Variants in FBXW7 observed in about 807,000 individuals in gnomAD.
FBXW7 encodes the protein F-box/WD repeat-containing protein 7.
In FBXW7, 11 loss-of-function variants were observed where a neutral mutation model predicts 86.3. That is an observed-to-expected ratio of 0.13 (90% CI 0.08 to 0.21). The LOEUF (loss-of-function observed/expected upper bound fraction) is 0.21. Ranked by LOEUF, FBXW7 falls within the 10% of genes least tolerant of loss-of-function variation. The pLI is 1.00. For synonymous variants in FBXW7, 313 were observed against 297.9 expected (o/e 1.05, Z -0.52); for missense variants, 488 against 847.4 (o/e 0.58, Z 5.27).
At chr4:152,527,369 T>C (rs1220575088) in intron 2 of FBXW7, among the ~76,000 whole-genome samples, 2 of 152,216 alleles carry the variant, frequency 1.3e-5, no homozygotes, top group Non-Finnish European at 2.9e-5. Context: ...AATTACACTT[T>C]TAGTGAAGCA....
chr4:152,386,300 C>CTA (rs1735522990), intron 4 of FBXW7, among the ~76,000 whole-genome samples: 1 of 152,034 alleles, frequency 6.6e-6, no homozygotes, highest in South Asian at 2.1e-4. Context: ...CAAATCCTGG[C>CTA]TTTACCAGGT....
chr4:152,387,297 T>C (rs1020773464), intron 4 of FBXW7, among the ~76,000 whole-genome samples: 4 of 152,170 alleles, frequency 2.6e-5, no homozygotes, highest in Admixed American at 1.3e-4. Context: ...CTAAAAAGTA[T>C]ACCATTACTG....
chr4:152,411,112 A>G (rs1737908386), intron 4 of FBXW7, 191 bp downstream of exon 4: 2 of 965,200 alleles, frequency 2.1e-6, no homozygotes, highest in Non-Finnish European at 2.8e-6. Flanking sequence ...TTGTACTCAG[A>G]TTGTCCCATT....
At chr4:152,467,595 G>A (rs1316048225) in intron 2 of FBXW7, among the ~76,000 whole-genome samples, 1 of 152,112 alleles carries the variant, frequency 6.6e-6, no homozygotes, top group Non-Finnish European at 1.5e-5. Context: ...GGATCAAAAC[G>A]TAAGGTTTTG....
intron 4 of FBXW7, among the ~76,000 whole-genome samples, chr4:152,362,211 G>A (rs1368820475): frequency 1.3e-5 from 2 of 151,976 alleles, no homozygotes; most frequent in African/African-American, 2.4e-5. Flanking sequence ...GGTCTGTTAC[G>A]AACTGCTACA....
At chr4:152,461,639 A>G (rs530588780) in intron 2 of FBXW7, among the ~76,000 whole-genome samples, 9 of 152,336 alleles carry the variant, frequency 5.9e-5, no homozygotes, top group Admixed American at 3.3e-4. Context: ...ATTTCTATTG[A>G]ATGATTTTCT....
At chr4:152,493,879 T>C (rs1746078597) in intron 2 of FBXW7, among the ~76,000 whole-genome samples, 1 of 152,236 alleles carries the variant, frequency 6.6e-6, no homozygotes, top group Non-Finnish European at 1.5e-5. Flanking sequence ...AGACCAAGTT[T>C]AAAAATATTC....
Position 152,322,612 on chromosome 4 carries a change from A to G in FBXW7, c.*269T>C, listed in dbSNP as rs977961439. 6.7e-6 allele frequency: 3 copies of G among 450,268 alleles called. No individual in the cohort carries two copies. Among genetic ancestry groups the G allele is most frequent in the Admixed American group, 3.9e-5 (1 of 25,816 alleles). The allele number at this position is 450,268 out of a possible 1,614,324, so 27.9% of individuals were successfully genotyped here. On this transcript the variant is annotated 3_prime_UTR_variant, in exon 14 of 14. Transcript: ENST00000281708. ...TAATTGCACCTGGTTTGATTTAGAAAGTCTCATTTTGCAAAGCTGCCCTCA... is the reference window on the plus strand; with the variant it reads ...TAATTGCACCTGGTTTGATTTAGAAGGTCTCATTTTGCAAAGCTGCCCTCA...
chr4:152,527,438 CT>C (rs1749614903), intron 2 of FBXW7, among the ~76,000 whole-genome samples: 1 of 152,120 alleles, frequency 6.6e-6, no homozygotes, highest in Non-Finnish European at 1.5e-5. Context: ...ATTCACCCCC[CT>C]AAAAAGCATG....
intron 4 of FBXW7, among the ~76,000 whole-genome samples, chr4:152,390,400 T>C (rs2126806840): frequency 6.6e-6 from 1 of 152,074 alleles, no homozygotes; most frequent in Admixed American, 6.6e-5. Context: ...AGCTTAACTC[T>C]TACAGGCTGA....
intron 2 of FBXW7, among the ~76,000 whole-genome samples, chr4:152,455,213 C>T (rs74927603): frequency 0.015 from 2,230 of 152,154 alleles, 28 homozygotes; most frequent in Middle Eastern, 0.037. Context: ...AAGTACAGAA[C>T]AGAACTGCAA....
intron 4 of FBXW7, among the ~76,000 whole-genome samples, chr4:152,376,827 T>C (rs530510156): frequency 1.3e-5 from 2 of 152,040 alleles, no homozygotes; most frequent in South Asian, 2.1e-4. Context: ...TGAAGTATCA[T>C]CCCTCAGTTT....
At chr4:152,486,690 T>C (rs1489190113) in intron 2 of FBXW7, among the ~76,000 whole-genome samples, 2 of 151,786 alleles carry the variant, frequency 1.3e-5, no homozygotes, top group Non-Finnish European at 3.0e-5. Context: ...GAGGCTGTTT[T>C]GCAGTTAACT....
At chr4:152,418,185 A>G (rs1247574399) in intron 2 of FBXW7, among the ~76,000 whole-genome samples, 2 of 150,892 alleles carry the variant, frequency 1.3e-5, no homozygotes, top group African/African-American at 2.5e-5. Context: ...GCAGTGGAAA[A>G]CTTCTCAATA....
chr4:152,423,639 C>G (rs561943886), intron 2 of FBXW7, among the ~76,000 whole-genome samples: 2 of 152,230 alleles, frequency 1.3e-5, no homozygotes, highest in African/African-American at 4.8e-5. Flanking sequence ...GAGAACCACA[C>G]AGCAATGAGA....
At chr4:152,464,597 CCT>C (rs1264410755) in intron 2 of FBXW7, among the ~76,000 whole-genome samples, 1 of 152,156 alleles carries the variant, frequency 6.6e-6, no homozygotes, top group African/African-American at 2.4e-5. Flanking sequence ...GTACTAGAAA[CCT>C]CTCAAGGCAG....
intron 2 of FBXW7, among the ~76,000 whole-genome samples, chr4:152,431,546 T>C (rs755514305): frequency 2.0e-5 from 3 of 152,296 alleles, no homozygotes; most frequent in Admixed American, 6.5e-5. Context: ...TTTGATTATG[T>C]GGCAGTTAAC....
In FBXW7 at chr4:152,346,865, T is replaced by C. The variant is rs1009931493; in HGVS notation, c.726+65A>G. 4 of 1,587,916 alleles carry C rather than the reference T, an allele frequency of 2.5e-6. No homozygotes were observed. In the African/African-American group the frequency reaches 4.1e-5, roughly 16 times the overall value. On this transcript the variant is annotated intron_variant, in intron 6 of 13. Transcript: ENST00000281708. The stretch of plus-strand genomic sequence containing the variant: ...CAGTGTTTCCTTCTTTTTTTACGGA[T>C]GAATAATCCCTTATTTTGCAGCAAT...
chr4:152,480,319 CAGA>C (rs1268110290), intron 2 of FBXW7, among the ~76,000 whole-genome samples: 2 of 152,142 alleles, frequency 1.3e-5, no homozygotes, highest in African/African-American at 2.4e-5. Context: ...ATCACAAACA[CAGA>C]AGATGGCAAG....
Sources: gnomAD v4.1 joint callset for allele counts (sites outside exome capture counted in the v4.1 genomes callset) on GRCh38, gnomAD v4.1.1 for gene constraint, MANE v1.5 for transcripts, NCBI Gene and HGNC (gene_info 2026-07-23, HGNC 2026-07-21) for gene names.